MBNL2: variants seen among roughly 807,000 people sequenced by gnomAD.
MBNL2 encodes the protein muscleblind like splicing regulator 2.
MBNL2 carries 17 observed loss-of-function variants against 41.9 expected under a neutral mutation model. The ratio of observed to expected loss-of-function variants is 0.41; its 90% confidence interval spans 0.28 to 0.61. The LOEUF (loss-of-function observed/expected upper bound fraction) is 0.61, where lower values mean the gene tolerates loss of function less well. Ranked by LOEUF, MBNL2 falls within the 20% of genes least tolerant of loss-of-function variation. The pLI, the probability that MBNL2 is intolerant of heterozygous loss-of-function variation, is 0.35. For missense variants in MBNL2, 336 were observed against 505.6 expected (o/e 0.66, Z 3.22); for synonymous variants, 195 against 182.9 (o/e 1.07, Z -0.53).
At chr13:97,248,154 A>G (rs1594090550) in intron 1 of MBNL2, among the ~76,000 whole-genome samples, 4 of 152,326 alleles carry the variant, frequency 2.6e-5, no homozygotes, top group African/African-American at 7.2e-5. Context: ...ATATTTTAAG[A>G]TGGAGTCTTT....
chr13:97,235,471 G>C (rs1331493496), intron 1 of MBNL2, among the ~76,000 whole-genome samples: 1 of 152,134 alleles, frequency 6.6e-6, no homozygotes, highest in East Asian at 1.9e-4. Context: ...AAGATACAAA[G>C]TTAGAAAACA....
intron 2 of MBNL2, among the ~76,000 whole-genome samples, chr13:97,332,667 C>T (rs2060526929): frequency 6.6e-6 from 1 of 152,204 alleles, no homozygotes; most frequent in Non-Finnish European, 1.5e-5. Context: ...GTCCACTTCA[C>T]CTCTGTCTTT....
intron 1 of MBNL2, among the ~76,000 whole-genome samples, chr13:97,266,573 G>C (rs938986195): frequency 2.0e-5 from 3 of 152,252 alleles, no homozygotes; most frequent in African/African-American, 7.2e-5. Context: ...TCTCCGCCCA[G>C]GCGTCTGCAT....
At chr13:97,176,741 T>C in the MBNL2 span, among the ~76,000 whole-genome samples, 1 of 152,240 alleles carries the variant, frequency 6.6e-6, no homozygotes, top group Non-Finnish European at 1.5e-5. Flanking sequence ...AAGTCCTGAA[T>C]ACCTTAATAG....
At chr13:97,176,421 T>G in the MBNL2 span, among the ~76,000 whole-genome samples, 5 of 152,100 alleles carry the variant, frequency 3.3e-5, no homozygotes, top group East Asian at 9.7e-4. Flanking sequence ...TGAATATGCT[T>G]GGTCCACAGT....
the MBNL2 span, among the ~76,000 whole-genome samples, chr13:97,202,290 T>C: frequency 6.6e-6 from 1 of 152,232 alleles, no homozygotes; most frequent in Admixed American, 6.5e-5. Context: ...ATTAATGTTC[T>C]AGTTTTTCCA....
chr13:97,360,757 T>A (rs1205789023), intron 7 of MBNL2, among the ~76,000 whole-genome samples: 1 of 152,164 alleles, frequency 6.6e-6, no homozygotes, highest in Non-Finnish European at 1.5e-5. Context: ...CAGAAAACAT[T>A]TGAGAAGTCT....
chr13:97,279,970 G>A (rs2053022629), intron 2 of MBNL2, among the ~76,000 whole-genome samples: 1 of 152,160 alleles, frequency 6.6e-6, no homozygotes, highest in South Asian at 2.1e-4. Context: ...ACAAGTGGCT[G>A]TGATTTTTTT....
At chr13:97,216,515 G>A (rs549008442), upstream of MBNL2, among the ~76,000 whole-genome samples, 7 of 152,220 alleles carry the variant, frequency 4.6e-5, no homozygotes, top group Non-Finnish European at 7.4e-5. Flanking sequence ...GACCAGGCCC[G>A]TCAGCAACTT....
At chr13:97,313,398 G>A (rs2058771106) in intron 2 of MBNL2, among the ~76,000 whole-genome samples, 2 of 152,140 alleles carry the variant, frequency 1.3e-5, no homozygotes, top group Non-Finnish European at 2.9e-5. Flanking sequence ...GAAGGAACTT[G>A]AATTCTAATC....
At chr13:97,280,189 C>T (rs911708225) in intron 2 of MBNL2, among the ~76,000 whole-genome samples, 1 of 152,198 alleles carries the variant, frequency 6.6e-6, no homozygotes, top group African/African-American at 2.4e-5. Flanking sequence ...CGCTTTCCCT[C>T]ACAGCTAAAA....
chr13:97,329,862 C>T (rs1482741623), intron 2 of MBNL2, among the ~76,000 whole-genome samples: 1 of 151,834 alleles, frequency 6.6e-6, no homozygotes, highest in African/African-American at 2.4e-5. Flanking sequence ...GACCACCACA[C>T]ACTCCCTTGC....
intron 1 of MBNL2, among the ~76,000 whole-genome samples, chr13:97,248,987 AC>A (rs1385539461): frequency 1.3e-5 from 2 of 152,108 alleles, no homozygotes; most frequent in Non-Finnish European, 1.5e-5. Context: ...AAAAGTGGCC[AC>A]CCCCAACCCC....
At chr13:97,170,294 T>A in the MBNL2 span, among the ~76,000 whole-genome samples, 2 of 152,370 alleles carry the variant, frequency 1.3e-5, no homozygotes, top group South Asian at 4.1e-4. Flanking sequence ...CCAGTCATTT[T>A]GCTAAGTGCT....
intron 2 of MBNL2, among the ~76,000 whole-genome samples, chr13:97,277,508 G>A (rs2052410829): frequency 6.6e-6 from 1 of 152,192 alleles, no homozygotes; most frequent in Non-Finnish European, 1.5e-5. Context: ...TAAAGAGACT[G>A]AGTTGTCCTT....
intron 2 of MBNL2, among the ~76,000 whole-genome samples, chr13:97,323,141 G>C (rs2059640279): frequency 1.3e-5 from 2 of 152,194 alleles, no homozygotes; most frequent in South Asian, 4.1e-4. Flanking sequence ...CAAAATGTCG[G>C]CCTTTAATAC....
chr13:97,188,708 C>G, the MBNL2 span, among the ~76,000 whole-genome samples: 1 of 152,090 alleles, frequency 6.6e-6, no homozygotes, highest in Non-Finnish European at 1.5e-5. Context: ...CTCAGCCCAC[C>G]CTGATTTCTT....
intron 3 of MBNL2, among the ~76,000 whole-genome samples, chr13:97,337,537 G>C (rs2060991333): frequency 6.6e-6 from 1 of 152,016 alleles, no homozygotes; most frequent in Admixed American, 6.6e-5. Flanking sequence ...ATCCATTCCT[G>C]TGTCTGTCAA....
intron 1 of MBNL2, among the ~76,000 whole-genome samples, chr13:97,235,941 C>A (rs1488136813): frequency 4.6e-5 from 7 of 152,044 alleles, no homozygotes; most frequent in Middle Eastern, 3.4e-3. Context: ...AACATGTTAC[C>A]GTTAAATAAT....
Sources: allele counts gnomAD v4.1 joint callset (sites outside exome capture counted in the v4.1 genomes callset), GRCh38; gene constraint gnomAD v4.1.1; transcripts MANE v1.5; gene names NCBI Gene and HGNC (gene_info 2026-07-23, HGNC 2026-07-21).